Variants in ZNF600 observed in about 807,000 individuals in gnomAD.
ZNF600 encodes zinc finger protein KR-ZNF1.
Under a neutral mutation model 7.3 loss-of-function variants are expected in ZNF600, and 4 were observed. The observed-to-expected ratio is 0.55, with a 90% CI of 0.27 to 1.25. ZNF600 has a LOEUF of 1.25. ZNF600 is among the 50% of genes most tolerant of loss of function. The probability of loss-of-function intolerance (pLI) is 0.12; values close to 1 mark genes in which losing one functional copy is unlikely to be tolerated. For synonymous variants in ZNF600, 290 were observed against 308.9 expected (o/e 0.94, Z 0.64); for missense variants, 911 against 922.1 (o/e 0.99, Z 0.16).
At chr19:52,823,082 G>A in the ZNF600 span, among the ~76,000 whole-genome samples, 1 of 152,098 alleles carries the variant, frequency 6.6e-6, no homozygotes, top group Non-Finnish European at 1.5e-5. Flanking sequence ...TACACTTCAA[G>A]GAAGGTTACT....
At chr19:52,778,522 C>A (rs2062694689) in intron 2 of ZNF600, among the ~76,000 whole-genome samples, 1 of 152,140 alleles carries the variant, frequency 6.6e-6, no homozygotes, top group Non-Finnish European at 1.5e-5. Context: ...CCAGATGTGG[C>A]CCCTGAACAA....
chr19:52,804,031 C>T, the ZNF600 span, among the ~76,000 whole-genome samples: 4 of 152,154 alleles, frequency 2.6e-5, no homozygotes, highest in African/African-American at 9.7e-5. Flanking sequence ...ATAGGATGTT[C>T]CTGCAGATGC....
intron 3 of ZNF600, among the ~76,000 whole-genome samples, chr19:52,770,264 A>T (rs2147503144): frequency 6.6e-6 from 1 of 152,028 alleles, no homozygotes; most frequent in East Asian, 1.9e-4. Flanking sequence ...ACATGGGGAA[A>T]CCCCATCTCT....
At chr19:52,765,616 C>T (rs1394747848) in exon 4 of ZNF600, 1 of 1,613,678 alleles carries the variant, frequency 6.2e-7, no homozygotes, top group Admixed American at 1.7e-5. Context: ...CCATGAACTG[C>T]CTGATGGTGA....
At chr19:52,800,637 C>G in the ZNF600 span, 170,454 of 1,613,032 alleles carry the variant, frequency 0.11, 17,057 homozygotes, top group East Asian at 0.62. Flanking sequence ...AGTATGAATC[C>G]TCTTATGTCT....
chr19:52,816,680 A>C, the ZNF600 span, among the ~76,000 whole-genome samples: 8 of 120,768 alleles, frequency 6.6e-5, no homozygotes, highest in Admixed American at 8.5e-5. Flanking sequence ...AAGAAAAAAA[A>C]AATTAGTTGG....
chr19:52,798,968 T>C, the ZNF600 span: 2 of 1,255,280 alleles, frequency 1.6e-6, no homozygotes, highest in Non-Finnish European at 2.2e-6. Context: ...TCTAGTATGG[T>C]GTGCCAGGTG....
the ZNF600 span, among the ~76,000 whole-genome samples, chr19:52,827,952 G>C: frequency 1.3e-5 from 2 of 152,134 alleles, no homozygotes; most frequent in African/African-American, 2.4e-5. Flanking sequence ...ACTGGCTACT[G>C]TAATACCTGG....
At chr19:52,832,131 G>A in the ZNF600 span, among the ~76,000 whole-genome samples, 1 of 152,058 alleles carries the variant, frequency 6.6e-6, no homozygotes, top group East Asian at 1.9e-4. Flanking sequence ...AAGAATCGCT[G>A]TAATCCAGGA....
At chr19:52,803,582 C>T in the ZNF600 span, among the ~76,000 whole-genome samples, 1 of 152,168 alleles carries the variant, frequency 6.6e-6, no homozygotes, top group African/African-American at 2.4e-5. Flanking sequence ...GTACTTACCA[C>T]CAGCACACAA....
chr19:52,783,968 G>A (rs1490996190), intron 1 of ZNF600, among the ~76,000 whole-genome samples: 1 of 152,094 alleles, frequency 6.6e-6, no homozygotes, highest in Non-Finnish European at 1.5e-5. Context: ...CAGCTACTCG[G>A]GGGAAGTATC....
At chr19:52,829,495 C>T in the ZNF600 span, among the ~76,000 whole-genome samples, 33 of 151,704 alleles carry the variant, frequency 2.2e-4, no homozygotes, top group East Asian at 6.5e-3. Flanking sequence ...CTGTCTCAGC[C>T]TCCTGTGTAG....
rs143606696 is a variant in ZNF600 at position 52,768,239 on chromosome 19, A to T, written c.191-467T>A. On this transcript the variant is annotated intron_variant, in intron 3 of 3. Transcript: ENST00000648973. ...TGTAAGGATAACCAAAATCAATGGA[A>T]ATTCTGTATTTTCAAACAATTATAG... Among the ~76,000 whole-genome samples the T allele has an allele frequency of 2.0e-3, 305 of 152,124 alleles. 2 individuals are homozygous for T. The East Asian group carries it at 0.024, about 12-fold the overall frequency.
chr19:52,773,967 C>T (rs1471615722), intron 3 of ZNF600, among the ~76,000 whole-genome samples: 1 of 151,890 alleles, frequency 6.6e-6, no homozygotes, highest in Admixed American at 6.6e-5. Context: ...ATTCACCCAC[C>T]TCAGCCTTCC....
chr19:52,818,094 C>A, the ZNF600 span: 1 of 1,439,812 alleles, frequency 6.9e-7, no homozygotes. Flanking sequence ...TGTAACACAA[C>A]AACACATACA....
At chr19:52,821,905 AAAAAAAAT>A in the ZNF600 span, among the ~76,000 whole-genome samples, 17 of 133,822 alleles carry the variant, frequency 1.3e-4, no homozygotes, top group East Asian at 2.4e-3. Context: ...TCCGTCTCTA[AAAAAAAAT>A]AAAAAAATAA....
At chr19:52,820,646 C>A in the ZNF600 span, among the ~76,000 whole-genome samples, 16,540 of 150,170 alleles carry the variant, frequency 0.11, 706 homozygotes, top group African/African-American at 0.23. Flanking sequence ...CCCGGCTCCA[C>A]ATCCCTCCTC....
the ZNF600 span, among the ~76,000 whole-genome samples, chr19:52,828,221 G>A: frequency 0.012 from 1,802 of 151,542 alleles, 62 homozygotes; most frequent in African/African-American, 0.041. Flanking sequence ...ATGGCTAATT[G>A]TTGCATTTTT....
the ZNF600 span, among the ~76,000 whole-genome samples, chr19:52,815,936 G>C: frequency 6.8e-6 from 1 of 147,070 alleles, no homozygotes; most frequent in Non-Finnish European, 1.5e-5. Flanking sequence ...TTCACATGTA[G>C]CCCCAAACGT....
Sources: allele counts gnomAD v4.1 joint callset (sites outside exome capture counted in the v4.1 genomes callset), GRCh38; gene constraint gnomAD v4.1.1; transcripts MANE v1.5; gene names NCBI Gene and HGNC (gene_info 2026-07-23, HGNC 2026-07-21).